PFDN2: variants seen among roughly 807,000 people sequenced by gnomAD.
PFDN2 encodes the protein prefoldin 2.
In PFDN2, 7 loss-of-function variants were observed where a neutral mutation model predicts 18.3. The ratio of observed to expected loss-of-function variants is 0.38; its 90% CI spans 0.22 to 0.72. The LOEUF is 0.72. Among genes scored for constraint, PFDN2 ranks in the 30% least tolerant of loss-of-function variants. PFDN2 has a pLI of 0.47. For synonymous variants in PFDN2, 76 were observed against 75.0 expected (o/e 1.01, Z -0.07); for missense variants, 181 against 199.1 (o/e 0.91, Z 0.55).
At chr1:161,103,863 G>A (rs1420406179) in intron 1 of PFDN2, among the ~76,000 whole-genome samples, 1 of 152,040 alleles carries the variant, frequency 6.6e-6, no homozygotes, top group Non-Finnish European at 1.5e-5. Context: ...GAGGCTCAGA[G>A]ACAAAAGACC....
intron 1 of PFDN2, among the ~76,000 whole-genome samples, chr1:161,112,357 A>T (rs1345181834): frequency 6.6e-6 from 1 of 152,200 alleles, no homozygotes; most frequent in Non-Finnish European, 1.5e-5. Flanking sequence ...AGCTGAAGTG[A>T]TCTTATCTCT....
intron 1 of PFDN2, among the ~76,000 whole-genome samples, chr1:161,115,022 GAAAAT>G (rs1654879032): frequency 6.6e-6 from 1 of 152,148 alleles, no homozygotes; most frequent in African/African-American, 2.4e-5. Context: ...TCCAATGTCT[GAAAAT>G]AAATGGAAAA....
chr1:161,111,014 T>C (rs536299230), intron 1 of PFDN2, among the ~76,000 whole-genome samples: 3 of 151,876 alleles, frequency 2.0e-5, no homozygotes, highest in Admixed American at 1.3e-4. Context: ...TAACTTTTTG[T>C]ATTTTTTAGT....
chr1:161,112,757 C>A (rs1654835087), intron 1 of PFDN2, among the ~76,000 whole-genome samples: 1 of 152,118 alleles, frequency 6.6e-6, no homozygotes, highest in African/African-American at 2.4e-5. Flanking sequence ...TTTTTAGACT[C>A]CCCAAACCTA....
rs1654660293 is a variant in PFDN2 at position 161,105,514 on chromosome 1, G to A, written c.76-3139C>T. Among the ~76,000 whole-genome samples the A allele has an allele frequency of 3.3e-5, 5 of 151,956 alleles. No homozygotes were observed. In the South Asian group the frequency reaches 1.0e-3, roughly 32 times the overall value. ...GCTCTGTCGCCCAGGCTGGAGTGCA[G>A]TGGCGCGATCTCAGCTCATTGCAAC... On this transcript the variant is annotated intron_variant, in intron 1 of 3. Transcript: ENST00000368010.
At chr1:161,109,915 T>C (rs1275572651) in intron 1 of PFDN2, among the ~76,000 whole-genome samples, 2 of 148,576 alleles carry the variant, frequency 1.3e-5, no homozygotes, top group Non-Finnish European at 3.0e-5. Flanking sequence ...CTGGGCGTGG[T>C]GGGGGGAGGG....
chr1:161,117,849 C>T, intron 1 of PFDN2, 103 bp downstream of exon 1: 2 of 1,041,994 alleles, frequency 1.9e-6, no homozygotes, highest in Non-Finnish European at 2.8e-6. Context: ...GTGCCACGCA[C>T]ATGTGGTGCT....
At chr1:161,117,149 C>G (rs1034403550) in intron 1 of PFDN2, among the ~76,000 whole-genome samples, 3 of 152,130 alleles carry the variant, frequency 2.0e-5, no homozygotes, top group Admixed American at 6.5e-5. Flanking sequence ...AGAAGAATAG[C>G]TTGAATGAAC....
intron 1 of PFDN2, among the ~76,000 whole-genome samples, chr1:161,107,146 C>T (rs1654693323): frequency 6.6e-6 from 1 of 152,164 alleles, no homozygotes; most frequent in Non-Finnish European, 1.5e-5. Flanking sequence ...TTAACTAGGG[C>T]CGGGCATGAT....
At chr1:161,100,989 T>C in intron 3 of PFDN2, 130 bp from the exon 4 acceptor site, 1 of 624,932 alleles carries the variant, frequency 1.6e-6, no homozygotes, top group Non-Finnish European at 2.8e-6. Context: ...GCCCAGACAT[T>C]AAAATTATTC....
intron 1 of PFDN2, among the ~76,000 whole-genome samples, chr1:161,111,767 A>G (rs1301185484): frequency 6.6e-6 from 1 of 152,170 alleles, no homozygotes; most frequent in African/African-American, 2.4e-5. Flanking sequence ...CAATGGCCAC[A>G]GGATCTAAGA....
Position 161,102,292 on chromosome 1 carries a change from C to T in PFDN2, c.159G>A (p.Glu53=), listed in dbSNP as rs1353245478. ...KAAELEMELN[E]HSLVIDTLKE... ...CCTCTCCCTGACTTTCTCACCTGTG[C>T]TCATTCAACTCCATCTCCAACTCAG... Residue 53 remains glutamate, a synonymous_variant, in exon 2 of 4, where the codon GAG becomes GAA. Transcript: ENST00000368010. 1 of 1,614,016 alleles carries T rather than the reference C, an allele frequency of 6.2e-7. No individual in the cohort carries two copies. Among genetic ancestry groups the T allele is most frequent in the Non-Finnish European group, 8.5e-7 (1 of 1,179,822 alleles).
intron 1 of PFDN2, among the ~76,000 whole-genome samples, chr1:161,114,292 C>T (rs1654864295): frequency 6.6e-6 from 1 of 152,188 alleles, no homozygotes; most frequent in Non-Finnish European, 1.5e-5. Flanking sequence ...TCCTACATTC[C>T]TTATGGCACC....
chr1:161,110,019 A>G (rs1440100468), intron 1 of PFDN2, among the ~76,000 whole-genome samples: 1 of 151,678 alleles, frequency 6.6e-6, no homozygotes, highest in Non-Finnish European at 1.5e-5. Context: ...GTGCCATTAC[A>G]CTCCAGCCTG....
At chr1:161,104,029 G>A (rs758955048) in intron 1 of PFDN2, among the ~76,000 whole-genome samples, 1 of 152,088 alleles carries the variant, frequency 6.6e-6, no homozygotes, top group Non-Finnish European at 1.5e-5. Flanking sequence ...AACTACTGGG[G>A]GTAAGGCTCA....
chr1:161,106,712 T>C (rs927618647), intron 1 of PFDN2, among the ~76,000 whole-genome samples: 6 of 152,164 alleles, frequency 3.9e-5, no homozygotes, highest in African/African-American at 7.2e-5. Context: ...TCATGGCTCA[T>C]TGCAGCCTTG....
intron 1 of PFDN2, among the ~76,000 whole-genome samples, chr1:161,113,758 G>A (rs1404743400): frequency 6.6e-6 from 1 of 152,162 alleles, no homozygotes; most frequent in Non-Finnish European, 1.5e-5. Flanking sequence ...CTCCAGCCTG[G>A]GCAACAGAAT....
chr1:161,100,927 T>G, intron 3 of PFDN2, 68 bp from the exon 4 acceptor site: 1 of 1,190,340 alleles, frequency 8.4e-7, no homozygotes, highest in Non-Finnish European at 1.2e-6. Context: ...GAATGGACTA[T>G]GGTTGGAGGA....
intron 1 of PFDN2, among the ~76,000 whole-genome samples, chr1:161,112,901 TAA>T (rs569560143): frequency 7.4e-5 from 9 of 121,916 alleles, no homozygotes; most frequent in African/African-American, 1.5e-4. Context: ...ATAAAATATG[TAA>T]AAAAAAAAAA....
Sources: allele counts gnomAD v4.1 joint callset (sites outside exome capture counted in the v4.1 genomes callset), GRCh38; gene constraint gnomAD v4.1.1; transcripts MANE v1.5; gene names NCBI Gene and HGNC (gene_info 2026-07-23, HGNC 2026-07-21).